The following OTOGL variants were observed in gnomAD, a reference collection of about 807,000 sequenced individuals.
OTOGL encodes otogelin like.
In OTOGL, 285 loss-of-function variants were observed where a neutral mutation model predicts 318.5. The ratio of observed to expected loss-of-function variants is 0.89; its 90% CI spans 0.81 to 0.99. The LOEUF (loss-of-function observed/expected upper bound fraction) is 0.99. Ranked by LOEUF, OTOGL falls within the 50% of genes least tolerant of loss-of-function variation. The pLI is 0.00. For missense variants in OTOGL, 2,899 were observed against 2,845.6 expected (o/e 1.02, Z -0.43); for synonymous variants, 987 against 936.5 (o/e 1.05, Z -0.99).
chr12:80,281,437 C>A (rs554696622), intron 26 of OTOGL, among the ~76,000 whole-genome samples: 2 of 152,006 alleles, frequency 1.3e-5, no homozygotes, highest in East Asian at 3.9e-4. Context: ...CTTTTTCCTG[C>A]ATCTGTTAAG....
chr12:80,263,196 C>T (rs759976266), intron 19 of OTOGL, among the ~76,000 whole-genome samples: 1 of 152,024 alleles, frequency 6.6e-6, no homozygotes, highest in Non-Finnish European at 1.5e-5. Context: ...TCATGAATGA[C>T]TACTTTTAAT....
chr12:80,238,634 C>T (rs34136471), intron 9 of OTOGL, among the ~76,000 whole-genome samples: 5 of 152,080 alleles, frequency 3.3e-5, no homozygotes, highest in Non-Finnish European at 5.9e-5. Flanking sequence ...CTTTTTCTTT[C>T]CAATGGAACT....
At chr12:80,190,623 T>C (rs1377803413) in intron 1 of OTOGL, among the ~76,000 whole-genome samples, 2 of 151,346 alleles carry the variant, frequency 1.3e-5, no homozygotes, top group Non-Finnish European at 2.9e-5. Context: ...CCGTCTCTAC[T>C]AAAAATACAA....
chr12:80,275,315 G>T (rs1883718772), intron 24 of OTOGL, among the ~76,000 whole-genome samples: 1 of 151,922 alleles, frequency 6.6e-6, no homozygotes, highest in Non-Finnish European at 1.5e-5. Flanking sequence ...AGGGTTTTAA[G>T]ATGTCAGTGG....
intron 1 of OTOGL, among the ~76,000 whole-genome samples, chr12:80,159,534 A>G (rs762742238): frequency 5.9e-5 from 9 of 151,984 alleles, no homozygotes; most frequent in Non-Finnish European, 1.0e-4. Flanking sequence ...CAAGGAATAT[A>G]CCTAACCAAG....
chr12:80,307,912 G>A (rs1886306822), intron 29 of OTOGL, among the ~76,000 whole-genome samples: 1 of 138,626 alleles, frequency 7.2e-6, no homozygotes, highest in Admixed American at 6.8e-5. Flanking sequence ...CGGCTGGCCG[G>A]GCGGGGGCTG....
intron 1 of OTOGL, among the ~76,000 whole-genome samples, chr12:80,142,125 A>G (rs1341890576): frequency 1.3e-4 from 20 of 152,176 alleles, no homozygotes; most frequent in Admixed American, 1.3e-3. Context: ...CCTGTGAAGG[A>G]GAAGGTTAGA....
At position 80,233,136 on chromosome 12, in the gene OTOGL, G is replaced by A. The variant is rs528904531; in HGVS notation, c.817+39G>A. On this transcript the variant is annotated intron_variant, in intron 9 of 58. Transcript: ENST00000547103. ...AATAAATGTGTGGGTACCTTCTAAA[G>A]CCTTCTTCTTCCCCTGACCAAGTTG... 5 of 1,511,316 alleles carry A rather than the reference G, an allele frequency of 3.3e-6. No homozygotes were observed. In the South Asian group the frequency reaches 6.0e-5, roughly 18 times the overall value. The allele number at this position is 1,511,316 out of a possible 1,614,324, so 93.6% of individuals were successfully genotyped here.
At chr12:80,167,214 G>A (rs904712649) in intron 1 of OTOGL, among the ~76,000 whole-genome samples, 5 of 152,086 alleles carry the variant, frequency 3.3e-5, no homozygotes, top group African/African-American at 1.2e-4. Flanking sequence ...AGCAAATGGC[G>A]AACAATTCAG....
At chr12:80,149,663 C>T (rs892372028) in intron 1 of OTOGL, among the ~76,000 whole-genome samples, 24 of 152,176 alleles carry the variant, frequency 1.6e-4, no homozygotes, top group African/African-American at 5.5e-4. Context: ...GCCCCTCCCC[C>T]AGCCTCGCTG....
intron 1 of OTOGL, among the ~76,000 whole-genome samples, chr12:80,166,902 C>A (rs1339460990): frequency 1.3e-5 from 2 of 152,062 alleles, no homozygotes; most frequent in Non-Finnish European, 2.9e-5. Flanking sequence ...ATGCTGTGCT[C>A]TGGGAAGGTA....
intron 7 of OTOGL, among the ~76,000 whole-genome samples, chr12:80,229,050 G>C (rs1260997317): frequency 6.6e-6 from 1 of 152,104 alleles, no homozygotes; most frequent in Non-Finnish European, 1.5e-5. Context: ...AAAATATGCT[G>C]ATTAACTTGT....
intron 1 of OTOGL, among the ~76,000 whole-genome samples, chr12:80,125,311 A>G (rs1286156526): frequency 6.6e-6 from 1 of 152,102 alleles, no homozygotes; most frequent in Non-Finnish European, 1.5e-5. Flanking sequence ...GGCTTTTGTC[A>G]TTGGTTCTGT....
At chr12:80,199,445 T>A (rs1383788100) in intron 1 of OTOGL, among the ~76,000 whole-genome samples, 1 of 152,192 alleles carries the variant, frequency 6.6e-6, no homozygotes, top group Non-Finnish European at 1.5e-5. Flanking sequence ...ATTTTTATCA[T>A]GATTTTAATG....
In OTOGL at chr12:80,164,391, G is replaced by A. The variant is rs547597333; in HGVS notation, c.-19-45022G>A. Among the ~76,000 whole-genome samples the A allele has an allele frequency of 3.9e-5, 6 of 152,216 alleles. No homozygotes were observed. The East Asian group carries it at 9.7e-4, about 24-fold the overall frequency. On this transcript the variant is annotated intron_variant, in intron 1 of 58. Coordinates refer to ENST00000547103, the MANE Select transcript of OTOGL (RefSeq NM_001378609.3). ...CTTGTCCTCTAGTCTTCTTTGGTGG[G>A]AGGTTCTGATTAGAATTCAGTCTCT...
chr12:80,274,676 C>G (rs1480486927), intron 24 of OTOGL, among the ~76,000 whole-genome samples: 1 of 151,994 alleles, frequency 6.6e-6, no homozygotes, highest in Non-Finnish European at 1.5e-5. Flanking sequence ...ACTTTCTTAG[C>G]TAGAGAGAAG....
rs370743009 is a variant in OTOGL, at chr12:80,268,725, G to A, written c.2466-1377G>A. The stretch of plus-strand genomic sequence containing the variant: ...TTTTACTTGATTTTACTTTCTACGC[G>A]TAGTCAAAAGCCATTTCTTCCTTTC... On this transcript the variant is annotated intron_variant, in intron 22 of 58. Coordinates refer to ENST00000547103, the MANE Select transcript of OTOGL (RefSeq NM_001378609.3). Among the ~76,000 whole-genome samples the A allele has an allele frequency of 2.4e-4, 37 of 152,044 alleles. No individual in the cohort carries two copies. In the South Asian group the frequency reaches 4.8e-3, roughly 20 times the overall value.
chr12:80,127,341 C>G (rs10778712), intron 1 of OTOGL, among the ~76,000 whole-genome samples: 2 of 151,130 alleles, frequency 1.3e-5, no homozygotes, highest in African/African-American at 4.9e-5. Context: ...GTTGCAAATT[C>G]TTTTCTTTAA....
intron 1 of OTOGL, among the ~76,000 whole-genome samples, chr12:80,200,939 C>T (rs73356988): frequency 0.027 from 4,129 of 152,164 alleles, 211 homozygotes; most frequent in African/African-American, 0.093. Flanking sequence ...CAATGGAGGA[C>T]GCCTACACCA....
Sources: allele counts gnomAD v4.1 joint callset (sites outside exome capture counted in the v4.1 genomes callset), GRCh38; gene constraint gnomAD v4.1.1; transcripts MANE v1.5; gene names NCBI Gene and HGNC (gene_info 2026-07-23, HGNC 2026-07-21).